Variants in CAMSAP3 observed in about 807,000 individuals in gnomAD.
CAMSAP3 encodes calmodulin-regulated spectrin-associated protein 3.
In CAMSAP3, 34 loss-of-function variants were observed where a neutral mutation model predicts 112.5. The observed-to-expected ratio is 0.30, with a 90% CI of 0.23 to 0.40. The LOEUF is 0.40. Ranked by LOEUF, CAMSAP3 falls within the 10% of genes least tolerant of loss-of-function variation. The pLI is 1.00. For missense variants in CAMSAP3, 1,602 were observed against 1,770.3 expected (o/e 0.90, Z 1.71); for synonymous variants, 868 against 799.8 (o/e 1.09, Z -1.44).
Position 7,613,110 on chromosome 19 carries a change from G to A in CAMSAP3, c.2617G>A (p.Glu873Lys), listed in dbSNP as rs2146172708. ...SPAGAEDSLE[E>K]EASSEGEPRV... Reference sequence around the variant, plus strand: ...CGCTGGTGCTGAGGATTCCTTGGAGGAGGAGGCGTCTTCGGAGGGGGAGCC... The same window carrying A: ...CGCTGGTGCTGAGGATTCCTTGGAGAAGGAGGCGTCTTCGGAGGGGGAGCC... Residue 873 changes from glutamate (E) to lysine (K), a missense_variant, in exon 11 of 17, where the codon GAG becomes AAG. By Grantham distance (56) the Glu-to-Lys change is moderately conservative. Coordinates refer to ENST00000160298, the MANE Select transcript of CAMSAP3 (RefSeq NM_020902.2). 6.5e-7 allele frequency: 1 copy of A among 1,545,966 alleles called. No homozygotes were observed. Among genetic ancestry groups the A allele is most frequent in the Non-Finnish European group, 8.7e-7 (1 of 1,145,782 alleles).
Position 7,610,790 on chromosome 19 carries a change from C to G in CAMSAP3, c.991C>G (p.His331Asp). 1 of 1,613,416 alleles carries G rather than the reference C, an allele frequency of 6.2e-7. No individual in the cohort carries two copies. Among genetic ancestry groups the G allele is most frequent in the Non-Finnish European group, 8.5e-7 (1 of 1,179,896 alleles). Residue 331 changes from histidine (H) to aspartate (D), a missense_variant, in exon 7 of 17, where the codon CAC (histidine) becomes GAC (aspartate). Around this residue, in one of 6 missense-constraint regions of CAMSAP3, gnomAD observed 1,100 missense variants for 1,135.7 expected, o/e 0.97. Coordinates refer to ENST00000160298, the MANE Select transcript of CAMSAP3 (RefSeq NM_020902.2). This position sits in a 1 kb window ranked among gnomAD's most constrained non-coding sequence, Gnocchi z 4.9. ...GCAAGTGAAGGACTTGCCCGATGGT[C>G]ACGGTGAGGCCCTGGGGGCCTGGGG... ...FVQVKDLPDGHAASPRGTEAS... is the reference protein window; with the variant it reads ...FVQVKDLPDGDAASPRGTEAS...
rs183349838 is a variant in CAMSAP3 at position 7,610,259 on chromosome 19, A to G, written c.761-217A>G. ...CTTGAACCCGGGAGGCAGAGGTTGC[A>G]GTGAGCTGGGATTGCGCCACTGCAC... is the stretch of plus-strand genomic sequence containing the variant. On this transcript the variant is annotated intron_variant, in intron 5 of 16. Coordinates refer to ENST00000160298, the MANE Select transcript of CAMSAP3 (RefSeq NM_020902.2). The surrounding 1 kb of genome is among the most constrained non-coding windows in gnomAD (Gnocchi z 4.9). Among the ~76,000 whole-genome samples, 51 of 151,372 alleles carry G rather than the reference A, an allele frequency of 3.4e-4. No homozygotes were observed. The East Asian group carries it at 6.6e-3, about 20-fold the overall frequency.
chr19:7,616,953 T>TTTGTTTTTG (rs1555763718), intron 14 of CAMSAP3, among the ~76,000 whole-genome samples: 2 of 131,916 alleles, frequency 1.5e-5, no homozygotes, highest in Non-Finnish European at 3.2e-5. Context: ...TTTTTTTTTT[T>TTTGTTTTTG]TTTTTGTTTT....
At chr19:7,602,962 T>A (rs1168296142) in intron 1 of CAMSAP3, among the ~76,000 whole-genome samples, 4 of 152,010 alleles carry the variant, frequency 2.6e-5, no homozygotes, top group African/African-American at 9.7e-5. Flanking sequence ...AGGGAGGAAG[T>A]GAGCCTGAAA....
chr19:7,601,189 T>G (rs886603273), intron 1 of CAMSAP3, among the ~76,000 whole-genome samples: 1 of 152,236 alleles, frequency 6.6e-6, no homozygotes, highest in Non-Finnish European at 1.5e-5. Flanking sequence ...GTTGATTACA[T>G]GTTAAAATAA....
Position 7,607,540 on chromosome 19 carries a change from C to T in CAMSAP3, c.622-586C>T, listed in dbSNP as rs2030280391. 6.6e-6 allele frequency among the ~76,000 whole-genome samples: 1 copy of T among 152,066 alleles called. No individual in the cohort carries two copies. Among genetic ancestry groups the T allele is most frequent in the African/African-American group, 2.4e-5 (1 of 41,420 alleles). On this transcript the variant is annotated intron_variant, in intron 4 of 16. Coordinates refer to ENST00000160298, the MANE Select transcript of CAMSAP3 (RefSeq NM_020902.2). The surrounding 1 kb of genome is among the most constrained non-coding windows in gnomAD (Gnocchi z 4.9). ...ACCCTGGGGCCTGGGTTGGGAGGTT[C>T]CCTTCCTGCCTACCCGCTTCCTCTG...
rs1178794875 is a variant in CAMSAP3 at position 7,615,903 on chromosome 19, T to C, written c.3112+184T>C. ...ACTGTCTCTTGGGTAAAGACTTCCA[T>C]AGGGGGCCGGGCGCGGTGGCTCACG... On this transcript the variant is annotated intron_variant, in intron 13 of 16. Coordinates refer to ENST00000160298, the MANE Select transcript of CAMSAP3 (RefSeq NM_020902.2). This position sits in a 1 kb window ranked among gnomAD's most constrained non-coding sequence, Gnocchi z 6.5. 6.6e-6 allele frequency among the ~76,000 whole-genome samples: 1 copy of C among 151,410 alleles called. No individual in the cohort carries two copies. The highest frequency in any genetic ancestry group is 1.5e-5 in the Non-Finnish European group (1 of 67,782).
intron 14 of CAMSAP3, among the ~76,000 whole-genome samples, chr19:7,616,945 T>TTTGTTTG (rs1555763660): frequency 5.3e-5 from 7 of 131,668 alleles, no homozygotes; most frequent in African/African-American, 2.0e-4. Flanking sequence ...TTTTTTTTTT[T>TTTGTTTG]TTTTTTTTTT....
Position 7,617,677 on chromosome 19 carries a change from C to A in CAMSAP3, c.3444+16C>A. On this transcript the variant is annotated intron_variant, in intron 16 of 16. Coordinates refer to ENST00000160298, the MANE Select transcript of CAMSAP3 (RefSeq NM_020902.2). This position sits in a 1 kb window ranked among gnomAD's most constrained non-coding sequence, Gnocchi z 7.5. ...CATTCTGGAGGTGAGCCCGCCCACACGTGGGAGTTGGGGGCTGGTGGGTGG... is the reference window on the plus strand; with the variant it reads ...CATTCTGGAGGTGAGCCCGCCCACAAGTGGGAGTTGGGGGCTGGTGGGTGG... The A allele has an allele frequency of 6.2e-7, 1 of 1,612,806 alleles. No individual in the cohort carries two copies. Among genetic ancestry groups the A allele is most frequent in the Non-Finnish European group, 8.5e-7 (1 of 1,178,870 alleles).
At chr19:7,606,154 C>CCCCCCCCCCCCT in intron 2 of CAMSAP3, 117 bp from the exon 3 acceptor site, 1 of 488,850 alleles carries the variant, frequency 2.0e-6, no homozygotes, top group Non-Finnish European at 3.5e-6. Flanking sequence ...CCCTCAAGCC[C>CCCCCCCCCCCCT]CACCCCCCCC....
chr19:7,598,736 G>A (rs1356991800), intron 1 of CAMSAP3, among the ~76,000 whole-genome samples: 2 of 151,758 alleles, frequency 1.3e-5, no homozygotes, highest in Non-Finnish European at 2.9e-5. Flanking sequence ...GCAGTGAGCC[G>A]AGATTGCACC....
rs764541695 is a variant in CAMSAP3, at chr19:7,617,375, C to T, written c.3262C>T (p.Arg1088Cys). 4.1e-5 allele frequency: 66 copies of T among 1,614,022 alleles called. No individual in the cohort carries two copies. The South Asian group carries it at 4.6e-4, about 11-fold the overall frequency. The change falls in exon 15 of 17, where the codon CGC (arginine) becomes TGC (cysteine). Residue 1088 changes from arginine to cysteine, a missense_variant. Coordinates refer to ENST00000160298, the MANE Select transcript of CAMSAP3 (RefSeq NM_020902.2). The surrounding 1 kb of genome is among the most constrained non-coding windows in gnomAD (Gnocchi z 7.5). ...GTCCCCAAGCCGCCTGCCTGGAAGC[C>T]GCGAACGGGACTGGGAAAATGGCAG... ...LMSPSRLPGS[R>C]ERDWENGSNA...
Position 7,605,177 on chromosome 19 carries a change from T to C in CAMSAP3, c.149-49T>C. The C allele has an allele frequency of 9.2e-6, 12 of 1,298,250 alleles. 1 individual carries two copies. In the South Asian group the frequency reaches 1.6e-4, roughly 17 times the overall value. The allele number at this position is 1,298,250 out of a possible 1,614,324, so 80.4% of individuals were successfully genotyped here. On this transcript the variant is annotated intron_variant, in intron 1 of 16. Coordinates refer to ENST00000160298, the MANE Select transcript of CAMSAP3 (RefSeq NM_020902.2). The stretch of plus-strand genomic sequence containing the variant: ...GTGTGTGTGTGTGTGTGTGTGTGTG[T>C]TGTATCTGGTGACCCTGACCCCCGT...
rs746447323 is a variant in CAMSAP3, at chr19:7,610,496, A to G, written c.781A>G (p.Met261Val). ...RLEEVCLKDP[M>V]SVADSLYNLQ... Reference sequence around the variant, plus strand: ...CACAGAGGTGTGCTTGAAGGACCCCATGTCTGTGGCGGACAGCCTGTACAA... The same window carrying G: ...CACAGAGGTGTGCTTGAAGGACCCCGTGTCTGTGGCGGACAGCCTGTACAA... Residue 261 changes from methionine (M) to valine (V), a missense_variant, in exon 6 of 17, where the codon ATG (methionine) becomes GTG (valine). By Grantham distance (21) the Met-to-Val change is conservative. Transcript: ENST00000160298. This position sits in a 1 kb window ranked among gnomAD's most constrained non-coding sequence, Gnocchi z 4.9. The G allele has an allele frequency of 1.2e-6, 2 of 1,613,098 alleles. No individual in the cohort carries two copies. Among genetic ancestry groups the G allele is most frequent in the Non-Finnish European group, 8.5e-7 (1 of 1,179,806 alleles).
At position 7,607,780 on chromosome 19, in the gene CAMSAP3, G is replaced by T; in HGVS notation, c.622-346G>T. On this transcript the variant is annotated intron_variant, in intron 4 of 16. Transcript: ENST00000160298. This position sits in a 1 kb window ranked among gnomAD's most constrained non-coding sequence, Gnocchi z 4.9. ...GTGGGCTTGGGGGCCCAGCAGGTCA[G>T]CACCCCTCCCCCTTGCTGATGGCTG... 1.3e-6 allele frequency: 1 copy of T among 754,998 alleles called. No homozygotes were observed. The highest frequency in any genetic ancestry group is 2.2e-6 in the Non-Finnish European group (1 of 463,362). 46.8% of individuals were successfully genotyped at this position (754,998 alleles called of 1,614,324 possible). A position where few individuals can be genotyped will look rare whatever the true frequency, so the allele number is the denominator to read the frequency against.
In CAMSAP3 at chr19:7,618,207, G is replaced by T; in HGVS notation, c.*150G>T. The stretch of plus-strand genomic sequence containing the variant: ...ACCCTCTGACTTTGAGTCCAGTCCT[G>T]CTGTGGGGGCTGAGCTGGGAGGTTC... On this transcript the variant is annotated 3_prime_UTR_variant, in exon 17 of 17. Coordinates refer to ENST00000160298, the MANE Select transcript of CAMSAP3 (RefSeq NM_020902.2). 2 of 815,470 alleles carry T rather than the reference G, an allele frequency of 2.5e-6. No homozygotes were observed. Among genetic ancestry groups the T allele is most frequent in the Non-Finnish European group, 3.8e-6 (2 of 530,998 alleles). 50.5% of individuals were successfully genotyped at this position (815,470 alleles called of 1,614,324 possible).
chr19:7,616,900 G>A lies in CAMSAP3; in HGVS notation c.3212+278G>A, dbSNP rs1042375952. On this transcript the variant is annotated intron_variant, in intron 14 of 16. Transcript: ENST00000160298. ...GCATGGACTTGGGAGGGTGTGCAGT[G>A]TATACCGCCTCCTCTGCAGTGTGTG... Among the ~76,000 whole-genome samples, 4 of 142,232 alleles carry A rather than the reference G, an allele frequency of 2.8e-5. No individual in the cohort carries two copies. The Admixed American group carries it at 2.8e-4, about 10-fold the overall frequency. The allele number at this position is 142,232 out of a possible 152,430, so 93.3% of individuals were successfully genotyped here.
Position 7,617,732 on chromosome 19 carries a change from T to C in CAMSAP3, c.3445-20T>C. 6.2e-7 allele frequency: 1 copy of C among 1,612,076 alleles called. No individual in the cohort carries two copies. Among genetic ancestry groups the C allele is most frequent in the Admixed American group, 1.7e-5 (1 of 59,994 alleles). The stretch of plus-strand genomic sequence containing the variant: ...GTGGCCTGACTTGGCCAGCTGACCA[T>C]TTCCAGCACTCCTGCCCAGGAAATT... On this transcript the variant is annotated intron_variant, in intron 16 of 16. Transcript: ENST00000160298. This position sits in a 1 kb window ranked among gnomAD's most constrained non-coding sequence, Gnocchi z 7.5.
chr19:7,613,203 G>C (rs1246941341), intron 11 of CAMSAP3, 40 bp downstream of exon 11: 27 of 1,251,476 alleles, frequency 2.2e-5, no homozygotes, highest in East Asian at 3.0e-5. Context: ...CCTGGGCCTG[G>C]GGCGGGGGCG....
Sources: gnomAD v4.1 joint callset for allele counts (sites outside exome capture counted in the v4.1 genomes callset) on GRCh38, gnomAD v4.1.1 for gene constraint, gnomAD v4.1.1 regional missense constraint, Gnocchi (gnomAD v3.1) non-coding constraint, MANE v1.5 for transcripts, NCBI Gene and HGNC (gene_info 2026-07-23, HGNC 2026-07-21) for gene names.